The following RPTOR variants were observed in gnomAD, a reference collection of about 807,000 sequenced individuals.
RPTOR encodes regulatory-associated protein of mTOR.
A neutral mutation model predicts 169.9 loss-of-function variants in RPTOR; 21 were observed. The ratio of observed to expected loss-of-function variants is 0.12; its 90% CI spans 0.09 to 0.18. The LOEUF (loss-of-function observed/expected upper bound fraction) is 0.18, where lower values mean the gene tolerates loss of function less well. Ranked by LOEUF, RPTOR falls within the 10% of genes least tolerant of loss-of-function variation. The pLI is 1.00. For synonymous variants in RPTOR, 732 were observed against 753.2 expected (o/e 0.97, Z 0.46); for missense variants, 1,133 against 1,855.9 (o/e 0.61, Z 7.16).
chr17:80,549,919 T>C (rs529024499), intron 1 of RPTOR, among the ~76,000 whole-genome samples: 1 of 152,316 alleles, frequency 6.6e-6, no homozygotes, highest in South Asian at 2.1e-4. Flanking sequence ...TATGTCTACA[T>C]GTGTAGGGGA....
At chr17:80,773,773 C>T (rs1460889611) in intron 6 of RPTOR, 9 of 985,198 alleles carry the variant, frequency 9.1e-6, no homozygotes, top group African/African-American at 8.7e-5. Context: ...TTGCTGGGGA[C>T]GTGTAGTCAC....
intron 10 of RPTOR, 103 bp from the exon 11 acceptor site, chr17:80,846,370 G>T: frequency 8.7e-7 from 1 of 1,154,278 alleles, no homozygotes; most frequent in South Asian, 1.3e-5. Context: ...TGCAGGGCGG[G>T]CCCTTCGTGA....
chr17:80,726,945 T>G lies in RPTOR; in HGVS notation c.508-3615T>G, dbSNP rs971254911. Among the ~76,000 whole-genome samples, 1 of 151,946 alleles carries G rather than the reference T, an allele frequency of 6.6e-6. No homozygotes were observed. The highest frequency in any genetic ancestry group is 2.4e-5 in the African/African-American group (1 of 41,508). On this transcript the variant is annotated intron_variant, in intron 4 of 33. Coordinates refer to ENST00000306801, the MANE Select transcript of RPTOR (RefSeq NM_020761.3). The surrounding 1 kb of genome is among the most constrained non-coding windows in gnomAD (Gnocchi z 4.5). ...TGGGTGGGGGAGGAGAGGAGCATGC[T>G]TCCCCCAACCCCTGGGGACCTGTGA...
At chr17:80,556,199 T>C (rs1415579761) in intron 1 of RPTOR, among the ~76,000 whole-genome samples, 5 of 151,966 alleles carry the variant, frequency 3.3e-5, no homozygotes, top group Non-Finnish European at 7.4e-5. Flanking sequence ...ATCCCTCTAC[T>C]CCATCCACAG....
At chr17:80,953,170 A>G (rs888248765) in intron 28 of RPTOR, among the ~76,000 whole-genome samples, 3 of 152,026 alleles carry the variant, frequency 2.0e-5, no homozygotes, top group African/African-American at 7.2e-5. Context: ...CAGCCTGTGC[A>G]TTTTCCAAGT....
chr17:80,918,784 G>A (rs973067069), intron 21 of RPTOR, among the ~76,000 whole-genome samples: 1 of 152,200 alleles, frequency 6.6e-6, no homozygotes, highest in Non-Finnish European at 1.5e-5. Context: ...TGTGCTGCCT[G>A]GGTGCAGCGG....
At chr17:80,674,787 CAAAAAAAAAAAAAAAAAAAAAAA>C (rs9319608) in intron 3 of RPTOR, among the ~76,000 whole-genome samples, 2 of 89,952 alleles carry the variant, frequency 2.2e-5, no homozygotes, top group African/African-American at 4.1e-5. Flanking sequence ...GACTCTGTCT[CAAAAAAAAAAAAAAAAAAAAAAA>C]AAAAAAAAAA....
At chr17:80,879,312 C>G (rs1463848735) in intron 13 of RPTOR, among the ~76,000 whole-genome samples, 1 of 151,368 alleles carries the variant, frequency 6.6e-6, no homozygotes, top group African/African-American at 2.4e-5. Context: ...GGCTGCAGCT[C>G]CTGCTGGGCT....
At position 80,610,236 on chromosome 17, in the gene RPTOR, T is replaced by C. The variant is rs187399653; in HGVS notation, c.163-15455T>C. On this transcript the variant is annotated intron_variant, in intron 1 of 33. Coordinates refer to ENST00000306801, the MANE Select transcript of RPTOR (RefSeq NM_020761.3). ...TTGTTCATCTTTACCACATTCATTA[T>C]ACACCCAGCAAAATGTGAAACCTTT... 2.1e-4 allele frequency among the ~76,000 whole-genome samples: 32 copies of C among 152,292 alleles called. No individual in the cohort carries two copies. The East Asian group carries it at 6.2e-3, about 29-fold the overall frequency.
intron 9 of RPTOR, among the ~76,000 whole-genome samples, chr17:80,831,538 A>G (rs546946603): frequency 6.6e-6 from 1 of 152,356 alleles, no homozygotes; most frequent in East Asian, 1.9e-4. Flanking sequence ...AGATATGAGC[A>G]GTCCTTGCTG....
intron 13 of RPTOR, among the ~76,000 whole-genome samples, chr17:80,863,503 A>C (rs1020304387): frequency 2.2e-4 from 34 of 152,324 alleles, no homozygotes; most frequent in Middle Eastern, 3.4e-3. Flanking sequence ...CAAAAAGTTA[A>C]ATTGAGACAC....
intron 9 of RPTOR, among the ~76,000 whole-genome samples, chr17:80,836,216 G>A (rs918838052): frequency 5.3e-5 from 8 of 152,248 alleles, no homozygotes; most frequent in African/African-American, 1.9e-4. Context: ...GGGTAGCAGA[G>A]CTGGGAGCAG....
chr17:80,774,140 C>T (rs112365859), intron 6 of RPTOR: 75,724 of 985,238 alleles, frequency 0.077, 3,168 homozygotes, highest in Non-Finnish European at 0.084. Flanking sequence ...GACTCGAGGG[C>T]GCTGTGACAT....
At position 80,961,493 on chromosome 17, in the gene RPTOR, G is replaced by A. The variant is rs772440642; in HGVS notation, c.3692+13G>A. The A allele has an allele frequency of 1.4e-5, 21 of 1,547,598 alleles. No homozygotes were observed. Among genetic ancestry groups the A allele is most frequent in the South Asian group, 7.2e-5 (6 of 83,786 alleles). Reference sequence around the variant, plus strand: ...TCGTGAGTGTGAGGTGAGGAGCGCCGATATTTAGCAGCCGTTCTGCTGTAA... The same window carrying A: ...TCGTGAGTGTGAGGTGAGGAGCGCCAATATTTAGCAGCCGTTCTGCTGTAA... On this transcript the variant is annotated intron_variant, in intron 31 of 33. Transcript: ENST00000306801.
intron 2 of RPTOR, among the ~76,000 whole-genome samples, chr17:80,637,407 C>T (rs1472879495): frequency 6.6e-6 from 1 of 152,246 alleles, no homozygotes; most frequent in Non-Finnish European, 1.5e-5. Flanking sequence ...GTTTCCAGCC[C>T]TGCCCCTGCT....
intron 1 of RPTOR, among the ~76,000 whole-genome samples, chr17:80,573,774 T>C (rs1272930056): frequency 6.6e-6 from 1 of 152,156 alleles, no homozygotes; most frequent in Non-Finnish European, 1.5e-5. Flanking sequence ...CATGCTGGTC[T>C]TGAGTGTCAT....
intron 5 of RPTOR, among the ~76,000 whole-genome samples, chr17:80,738,602 T>C (rs926423622): frequency 6.6e-6 from 1 of 152,212 alleles, no homozygotes; most frequent in African/African-American, 2.4e-5. Context: ...TCCCCCAGCC[T>C]GAAATCTTCC....
intron 7 of RPTOR, among the ~76,000 whole-genome samples, chr17:80,806,972 G>C (rs368273715): frequency 6.6e-6 from 1 of 152,128 alleles, no homozygotes; most frequent in Non-Finnish European, 1.5e-5. Context: ...CAGATTAACC[G>C]TACCAACTCA....
In RPTOR at chr17:80,923,856, A is replaced by G. The variant is rs779553179; in HGVS notation, c.2808+183A>G. ...CCCGGGTGCTGGTCCTCACTCGTGC[A>G]CCCCTCTGCCTGCACTCCTTAGGAG... On this transcript the variant is annotated intron_variant, in intron 23 of 33. Transcript: ENST00000306801. The G allele has an allele frequency of 4.6e-6, 3 of 646,610 alleles. No individual in the cohort carries two copies. In the African/African-American group the frequency reaches 5.6e-5, roughly 12 times the overall value. 40.1% of individuals were successfully genotyped at this position (646,610 alleles called of 1,614,324 possible).
Sources: gnomAD v4.1 joint callset for allele counts (sites outside exome capture counted in the v4.1 genomes callset) on GRCh38, gnomAD v4.1.1 for gene constraint, Gnocchi (gnomAD v3.1) non-coding constraint, MANE v1.5 for transcripts, NCBI Gene and HGNC (gene_info 2026-07-23, HGNC 2026-07-21) for gene names.